SLIT3: variants seen among roughly 807,000 people sequenced by gnomAD.
The protein encoded by SLIT3 is slit homolog 3 protein.
In SLIT3, 68 loss-of-function variants were observed where a neutral mutation model predicts 184.0. That is an observed-to-expected ratio of 0.37 (90% CI 0.30 to 0.45). The LOEUF is 0.45. Among genes scored for constraint, SLIT3 ranks in the 20% least tolerant of loss-of-function variants. The pLI, the probability that SLIT3 is intolerant of heterozygous loss-of-function variation, is 1.00. For synonymous variants in SLIT3, 831 were observed against 828.6 expected, an observed-to-expected ratio of 1.00 and a Z score of -0.05; for missense variants, 1,707 against 2,026.0, an observed-to-expected ratio of 0.84 and a Z score of 3.02.
intron 3 of SLIT3, among the ~76,000 whole-genome samples, chr5:169,244,268 G>C (rs1489283525): frequency 6.6e-6 from 1 of 152,250 alleles, no homozygotes. Flanking sequence ...CCGCAAGAGT[G>C]GGGCAGAGAA....
At chr5:169,287,264 C>T (rs1406495071) in intron 1 of SLIT3, among the ~76,000 whole-genome samples, 1 of 152,176 alleles carries the variant, frequency 6.6e-6, no homozygotes, top group Non-Finnish European at 1.5e-5. Context: ...GGGATCTTCC[C>T]TCTCTAGACT....
chr5:168,976,801 T>G (rs1754778516), intron 4 of SLIT3, among the ~76,000 whole-genome samples: 1 of 152,246 alleles, frequency 6.6e-6, no homozygotes, highest in South Asian at 2.1e-4. Context: ...TGATGAATTA[T>G]CTACACTGCA....
chr5:169,194,684 G>C (rs1763684618), intron 3 of SLIT3, among the ~76,000 whole-genome samples: 1 of 152,142 alleles, frequency 6.6e-6, no homozygotes, highest in African/African-American at 2.4e-5. Flanking sequence ...GTAGGCCCTG[G>C]GTCAGGGACC....
intron 23 of SLIT3, among the ~76,000 whole-genome samples, chr5:168,718,438 G>A (rs936008331): frequency 2.6e-5 from 4 of 152,074 alleles, no homozygotes; most frequent in African/African-American, 7.2e-5. Context: ...GCCCTCCTGC[G>A]ACTGGGGCAA....
At chr5:168,863,512 G>A (rs1351466924) in intron 5 of SLIT3, among the ~76,000 whole-genome samples, 1 of 152,192 alleles carries the variant, frequency 6.6e-6, no homozygotes, top group Non-Finnish European at 1.5e-5. Context: ...ATTCAAAACT[G>A]ACAGCCACAG....
chr5:169,250,398 T>C (rs1765731995), intron 2 of SLIT3, among the ~76,000 whole-genome samples: 1 of 152,134 alleles, frequency 6.6e-6, no homozygotes. Flanking sequence ...GAGTTGAAAA[T>C]ACTTCTAACA....
chr5:168,967,893 T>C (rs951596854), intron 4 of SLIT3, among the ~76,000 whole-genome samples: 2 of 152,190 alleles, frequency 1.3e-5, no homozygotes, highest in Non-Finnish European at 2.9e-5. Context: ...GAAAAGATGA[T>C]GTCTGCACTC....
intron 4 of SLIT3, among the ~76,000 whole-genome samples, chr5:169,030,618 G>C (rs745922583): frequency 6.6e-6 from 1 of 152,210 alleles, no homozygotes; most frequent in Non-Finnish European, 1.5e-5. Flanking sequence ...GGAAATCAGT[G>C]CATCTTCCTT....
intron 5 of SLIT3, among the ~76,000 whole-genome samples, chr5:168,865,640 A>C (rs1025754308): frequency 1.1e-4 from 16 of 152,216 alleles, no homozygotes; most frequent in African/African-American, 3.9e-4. Flanking sequence ...ATGGCTATTC[A>C]CTGGTCAAGA....
intron 4 of SLIT3, among the ~76,000 whole-genome samples, chr5:169,087,240 G>A (rs1759343076): frequency 6.6e-6 from 1 of 152,192 alleles, no homozygotes; most frequent in South Asian, 2.1e-4. Flanking sequence ...TGGCAGGGGA[G>A]GAGAAAACAG....
chr5:169,090,319 C>A (rs1759526672), intron 4 of SLIT3, among the ~76,000 whole-genome samples: 1 of 152,144 alleles, frequency 6.6e-6, no homozygotes, highest in Admixed American at 6.5e-5. Flanking sequence ...CCCAGTGCCT[C>A]CACCACCAGT....
At chr5:169,274,096 T>C (rs1008292766) in intron 1 of SLIT3, among the ~76,000 whole-genome samples, 1 of 152,208 alleles carries the variant, frequency 6.6e-6, no homozygotes, top group African/African-American at 2.4e-5. Flanking sequence ...ACCTGGGAAC[T>C]TGCTAGAAGT....
intron 4 of SLIT3, among the ~76,000 whole-genome samples, chr5:169,150,755 G>A (rs796657194): frequency 1.3e-5 from 2 of 152,288 alleles, no homozygotes; most frequent in African/African-American, 2.4e-5. Context: ...GTTCACATCT[G>A]CATAAGAGAG....
At chr5:168,777,082 CA>C (rs1290395681) in intron 12 of SLIT3, among the ~76,000 whole-genome samples, 1 of 55,258 alleles carries the variant, frequency 1.8e-5, no homozygotes, top group Non-Finnish European at 3.4e-5. Flanking sequence ...CACACACACA[CA>C]CACACACACA....
At position 168,981,639 on chromosome 5, in the gene SLIT3, C is replaced by T. The variant is rs534925635; in HGVS notation, c.414-98303G>A. 3.9e-5 allele frequency among the ~76,000 whole-genome samples: 6 copies of T among 152,320 alleles called. No homozygotes were observed. In the South Asian group the frequency reaches 6.2e-4, roughly 16 times the overall value. ...TCCAGGACTCCAAGCACTGCTGCCC[C>T]CATCCCTCCTGCCCTTTACTATAAT... On this transcript the variant is annotated intron_variant, in intron 4 of 35. Coordinates refer to ENST00000519560, the MANE Select transcript of SLIT3 (RefSeq NM_003062.4).
intron 4 of SLIT3, among the ~76,000 whole-genome samples, chr5:168,900,316 T>C (rs1469455244): frequency 6.6e-6 from 1 of 152,134 alleles, no homozygotes; most frequent in Non-Finnish European, 1.5e-5. Context: ...GAAATTATTA[T>C]ATAAAAAGAT....
At chr5:168,854,290 C>CTGGGA (rs1240064145) in intron 5 of SLIT3, among the ~76,000 whole-genome samples, 1 of 145,696 alleles carries the variant, frequency 6.9e-6, no homozygotes, top group East Asian at 2.0e-4. Flanking sequence ...GTATTTGTCA[C>CTGGGA]TGGGAACTAG....
chr5:168,986,311 T>C (rs1755127343), intron 4 of SLIT3, among the ~76,000 whole-genome samples: 1 of 151,970 alleles, frequency 6.6e-6, no homozygotes, highest in Non-Finnish European at 1.5e-5. Flanking sequence ...TTGAGATCGG[T>C]CAGTTTGTGA....
Position 168,710,837 on chromosome 5 carries a change from T to A in SLIT3, c.2719+58A>T, listed in dbSNP as rs937684931. ...GAGATACCCTGCTCTGACAGGTTGC[T>A]GGGAACACAGCAGACCCCAAGAGGG... On this transcript the variant is annotated intron_variant, in intron 25 of 35. Coordinates refer to ENST00000519560, the MANE Select transcript of SLIT3 (RefSeq NM_003062.4). 4 of 1,362,960 alleles carry A rather than the reference T, an allele frequency of 2.9e-6. No homozygotes were observed. The African/African-American group carries it at 5.9e-5, about 20-fold the overall frequency. 84.4% of individuals were successfully genotyped at this position (1,362,960 alleles called of 1,614,324 possible). A position where few individuals can be genotyped will look rare whatever the true frequency, so the allele number is the denominator to read the frequency against.
Sources: allele counts gnomAD v4.1 joint callset (sites outside exome capture counted in the v4.1 genomes callset), GRCh38; gene constraint gnomAD v4.1.1; transcripts MANE v1.5; gene names NCBI Gene and HGNC (gene_info 2026-07-23, HGNC 2026-07-21).